The following SBF2 variants were observed in gnomAD, a reference collection of about 807,000 sequenced individuals.
SBF2 encodes the protein SET binding factor 2, also known as myotubularin-related protein 13.
SBF2 carries 112 observed loss-of-function variants against 225.2 expected under a neutral mutation model. That is an observed-to-expected ratio of 0.50 (90% CI 0.43 to 0.58). SBF2 has a LOEUF of 0.58. SBF2 is among the 20% of genes least tolerant of loss of function. The pLI, the probability that SBF2 is intolerant of heterozygous loss-of-function variation, is 0.00. For missense variants in SBF2, 1,996 were observed against 2,206.2 expected (o/e 0.90, Z 1.91); for synonymous variants, 763 against 773.3 (o/e 0.99, Z 0.22).
chr11:9,855,032 A>C (rs567036818), intron 19 of SBF2, among the ~76,000 whole-genome samples: 1 of 152,358 alleles, frequency 6.6e-6, no homozygotes, highest in Non-Finnish European at 1.5e-5. Flanking sequence ...GTATTGAAAC[A>C]GAGTCTTGTG....
At chr11:9,831,072 C>T in intron 27 of SBF2, among the ~76,000 whole-genome samples, 1 of 152,156 alleles carries the variant, frequency 6.6e-6, no homozygotes, top group African/African-American at 2.4e-5. Context: ...AATCGTGGCT[C>T]ACTATAGCCT....
chr11:9,938,080 A>G lies in SBF2; in HGVS notation c.1860+23877T>C, dbSNP rs1457482404. 5.3e-5 allele frequency among the ~76,000 whole-genome samples: 8 copies of G among 152,200 alleles called. No individual in the cohort carries two copies. The East Asian group carries it at 1.5e-3, about 29-fold the overall frequency. On this transcript the variant is annotated intron_variant, in intron 16 of 39. Coordinates refer to ENST00000256190, the MANE Select transcript of SBF2 (RefSeq NM_030962.4). Reference sequence around the variant, plus strand: ...GCCAAGGCGGGCGGATCACGCGGTCAGGAGATCGAGACCATCCTGGTTAAC... The same window carrying G: ...GCCAAGGCGGGCGGATCACGCGGTCGGGAGATCGAGACCATCCTGGTTAAC...
chr11:10,002,941 T>G (rs575144696), intron 6 of SBF2, among the ~76,000 whole-genome samples: 2 of 152,218 alleles, frequency 1.3e-5, no homozygotes, highest in Non-Finnish European at 2.9e-5. Context: ...TACCTTCTTT[T>G]CAATTTCATC....
chr11:9,996,207 T>A (rs1947693909), intron 9 of SBF2, among the ~76,000 whole-genome samples: 1 of 152,140 alleles, frequency 6.6e-6, no homozygotes, highest in Non-Finnish European at 1.5e-5. Flanking sequence ...AAATAACTAT[T>A]CATATCACTA....
At chr11:10,058,576 C>T (rs1052947872) in intron 2 of SBF2, among the ~76,000 whole-genome samples, 11 of 152,132 alleles carry the variant, frequency 7.2e-5, no homozygotes, top group African/African-American at 9.7e-5. Context: ...AAGCAAACAA[C>T]GTGGAACATA....
At chr11:10,087,947 A>C (rs767026817) in intron 2 of SBF2, among the ~76,000 whole-genome samples, 6 of 151,940 alleles carry the variant, frequency 3.9e-5, no homozygotes, top group Non-Finnish European at 4.4e-5. Flanking sequence ...AGATTTATGT[A>C]CTTAATATGT....
At position 9,831,636 on chromosome 11, in the gene SBF2, C is replaced by T. The variant is rs1855406685; in HGVS notation, c.3652+588G>A. On this transcript the variant is annotated intron_variant, in intron 27 of 39. Transcript: ENST00000256190. ...AGCTATGAGAAAGGTCAGCAAAATA[C>T]AGCTCCTGACTTCAAGACCTCAGAC... 2.0e-5 allele frequency among the ~76,000 whole-genome samples: 3 copies of T among 152,200 alleles called. No individual in the cohort carries two copies. The South Asian group carries it at 6.2e-4, about 31-fold the overall frequency.
intron 1 of SBF2, among the ~76,000 whole-genome samples, chr11:10,218,694 G>A (rs149736929): frequency 2.4e-4 from 36 of 152,260 alleles, no homozygotes; most frequent in East Asian, 5.8e-4. Context: ...TAGATACAAC[G>A]GAGGTACAGG....
At chr11:10,284,936 T>A (rs1017787578) in intron 1 of SBF2, among the ~76,000 whole-genome samples, 4 of 149,484 alleles carry the variant, frequency 2.7e-5, no homozygotes, top group Non-Finnish European at 4.4e-5. Context: ...TTTTTTTTAA[T>A]CCAATTATAA....
chr11:10,067,051 G>A (rs1167930334), intron 2 of SBF2, among the ~76,000 whole-genome samples: 1 of 152,100 alleles, frequency 6.6e-6, no homozygotes, highest in African/African-American at 2.4e-5. Context: ...TGTGAAATGG[G>A]AAGACTGCTT....
chr11:9,883,896 G>A (rs1055042956), intron 17 of SBF2, among the ~76,000 whole-genome samples: 7 of 152,142 alleles, frequency 4.6e-5, no homozygotes, highest in African/African-American at 1.2e-4. Flanking sequence ...ACTCCCCCAC[G>A]CCAGCCTGGA....
In SBF2 at chr11:9,895,505, G is replaced by A. The variant is rs1271222711; in HGVS notation, c.1929+438C>T. ...ATTCCAGAAAGTTCTCAGAAGGTTC[G>A]CAGAAATTACCAGTAAAGTTAAACT... is the stretch of plus-strand genomic sequence containing the variant. On this transcript the variant is annotated intron_variant, in intron 17 of 39. Coordinates refer to ENST00000256190, the MANE Select transcript of SBF2 (RefSeq NM_030962.4). 3.9e-5 allele frequency among the ~76,000 whole-genome samples: 6 copies of A among 152,234 alleles called. No homozygotes were observed. In the East Asian group the frequency reaches 5.8e-4, roughly 15 times the overall value.
chr11:10,247,704 A>G (rs752646011), intron 1 of SBF2, among the ~76,000 whole-genome samples: 13 of 152,132 alleles, frequency 8.5e-5, no homozygotes, highest in Non-Finnish European at 1.5e-4. Flanking sequence ...GCAAAAAAAC[A>G]AATGAATAAA....
intron 2 of SBF2, among the ~76,000 whole-genome samples, chr11:10,133,524 C>G (rs1337615969): frequency 1.5e-5 from 2 of 135,886 alleles, no homozygotes; most frequent in Non-Finnish European, 3.4e-5. Context: ...GGACTCAGTA[C>G]ACCCTCCGCA....
chr11:9,872,366 G>A (rs941840061), intron 17 of SBF2, among the ~76,000 whole-genome samples: 1 of 152,120 alleles, frequency 6.6e-6, no homozygotes, highest in African/African-American at 2.4e-5. Context: ...TACCTAGGTG[G>A]TGGCATGATC....
chr11:9,882,834 C>A (rs546451547), intron 17 of SBF2, among the ~76,000 whole-genome samples: 49 of 135,534 alleles, frequency 3.6e-4, no homozygotes, highest in Non-Finnish European at 4.3e-4. Flanking sequence ...CCAAAAAAAA[C>A]CCATTATCTT....
At chr11:10,188,252 A>T (rs60319025) in intron 2 of SBF2, among the ~76,000 whole-genome samples, 14,495 of 152,248 alleles carry the variant, frequency 0.095, 943 homozygotes, top group East Asian at 0.28. Flanking sequence ...TAGAAATAGA[A>T]TAGTAGCAAA....
chr11:10,275,315 T>G (rs1031515993), intron 1 of SBF2, among the ~76,000 whole-genome samples: 14 of 151,692 alleles, frequency 9.2e-5, no homozygotes, highest in African/African-American at 3.4e-4. Flanking sequence ...CTTGTAACTA[T>G]AAAAGCACAA....
chr11:10,079,691 C>T (rs1201442177), intron 2 of SBF2, among the ~76,000 whole-genome samples: 2 of 152,126 alleles, frequency 1.3e-5, no homozygotes, highest in Admixed American at 6.5e-5. Flanking sequence ...TGGAAAACTA[C>T]CTTATTCTAG....
Sources: allele counts gnomAD v4.1 joint callset (sites outside exome capture counted in the v4.1 genomes callset), GRCh38; gene constraint gnomAD v4.1.1; transcripts MANE v1.5; gene names NCBI Gene and HGNC (gene_info 2026-07-23, HGNC 2026-07-21).